TRMT11: variants seen among roughly 807,000 people sequenced by gnomAD.
The protein encoded by TRMT11 is tRNA (guanine(10)-N(2))-methyltransferase TRMT11.
Under a neutral mutation model 62.8 loss-of-function variants are expected in TRMT11, and 53 were observed. The ratio of observed to expected loss-of-function variants is 0.84; its 90% CI spans 0.68 to 1.06. TRMT11 has a LOEUF of 1.06. Ranked by LOEUF, TRMT11 falls within the 50% of genes least tolerant of loss-of-function variation. The probability of loss-of-function intolerance (pLI) is 0.00; values close to 1 mark genes in which losing one functional copy is unlikely to be tolerated. For missense variants in TRMT11, 556 were observed against 553.4 expected (o/e 1.00, Z -0.05); for synonymous variants, 188 against 190.3 (o/e 0.99, Z 0.10).
At chr6:126,225,685 A>ATTTTTTTTTTT in the TRMT11 span, among the ~76,000 whole-genome samples, 7 of 95,302 alleles carry the variant, frequency 7.3e-5, no homozygotes, top group African/African-American at 1.0e-4. Flanking sequence ...TATGTTTACT[A>ATTTTTTTTTTT]TTTTTTTTTT....
At chr6:126,073,474 G>A (rs949377126) in intron 17 of TRMT11, among the ~76,000 whole-genome samples, 10 of 151,978 alleles carry the variant, frequency 6.6e-5, no homozygotes, top group Non-Finnish European at 8.8e-5. Flanking sequence ...TTAACTTAAT[G>A]GAGTCCGTTA....
intron 17 of TRMT11, among the ~76,000 whole-genome samples, chr6:126,058,786 C>T (rs1776443299): frequency 6.6e-6 from 1 of 152,164 alleles, no homozygotes; most frequent in Non-Finnish European, 1.5e-5. Context: ...TCTGAGAATA[C>T]TGTAAGCATC....
At chr6:126,091,456 C>G (rs771416126) in intron 17 of TRMT11, among the ~76,000 whole-genome samples, 1 of 152,156 alleles carries the variant, frequency 6.6e-6, no homozygotes, top group Non-Finnish European at 1.5e-5. Context: ...GTACATCACT[C>G]CTTTTTCGGT....
intron 17 of TRMT11, among the ~76,000 whole-genome samples, chr6:126,055,452 C>A (rs1346036707): frequency 2.6e-5 from 4 of 152,214 alleles, no homozygotes; most frequent in Non-Finnish European, 5.9e-5. Flanking sequence ...ATAAAAGATA[C>A]ATGTCTTATG....
intron 12 of TRMT11, among the ~76,000 whole-genome samples, chr6:126,032,128 C>T (rs12195025): frequency 6.6e-6 from 1 of 152,100 alleles, no homozygotes; most frequent in Non-Finnish European, 1.5e-5. Context: ...CATCCCTACT[C>T]CCAGGACCAT....
chr6:125,998,252 T>C lies in TRMT11; in HGVS notation c.324T>C (p.Tyr108=). ...MVPFLHSDST[Y]KIKIHTFNKT... ...CATTTCTACATTCGGACTCTACATA[T>C]AAAATAAAGATTCACACTTTTAATA... The change falls in exon 5 of 13, where the codon TAT becomes TAC. Residue 108 remains tyrosine (Y), a synonymous_variant. Coordinates refer to ENST00000334379, the MANE Select transcript of TRMT11 (RefSeq NM_001031712.3). 3 of 1,600,520 alleles carry C rather than the reference T, an allele frequency of 1.9e-6. No individual in the cohort carries two copies. The highest frequency in any genetic ancestry group is 2.6e-6 in the Non-Finnish European group (3 of 1,168,458).
At chr6:126,223,783 A>G in the TRMT11 span, among the ~76,000 whole-genome samples, 1 of 152,124 alleles carries the variant, frequency 6.6e-6, no homozygotes, top group Non-Finnish European at 1.5e-5. Flanking sequence ...TCTTTCTATC[A>G]GGGACTCCAA....
chr6:126,096,521 A>C (rs1777341279), intron 17 of TRMT11, among the ~76,000 whole-genome samples: 1 of 151,852 alleles, frequency 6.6e-6, no homozygotes. Context: ...TGCTACCTCT[A>C]ATTTCAAAAG....
chr6:126,038,989 T>TA lies in TRMT11; in HGVS notation c.*154dup. ...GTAAATTGAGCAATGCTTTTAAAGT[T>TA]ATCTTTGTTTTATAGACTTTTTTGT... On this transcript the variant is annotated 3_prime_UTR_variant, in exon 13 of 13. Coordinates refer to ENST00000334379, the MANE Select transcript of TRMT11 (RefSeq NM_001031712.3). The TA allele has an allele frequency of 3.2e-6, 2 of 618,926 alleles. No homozygotes were observed. The highest frequency in any genetic ancestry group is 9.2e-4 in the Middle Eastern group (2 of 2,168). 38.3% of individuals were successfully genotyped at this position (618,926 alleles called of 1,614,324 possible).
At chr6:126,031,385 T>A (rs562543532) in intron 12 of TRMT11, among the ~76,000 whole-genome samples, 2 of 152,304 alleles carry the variant, frequency 1.3e-5, no homozygotes, top group African/African-American at 2.4e-5. Context: ...GTGTTGGGGC[T>A]GAACAGACTA....
intron 17 of TRMT11, among the ~76,000 whole-genome samples, chr6:126,054,105 A>C (rs758765997): frequency 1.4e-4 from 22 of 152,050 alleles, no homozygotes; most frequent in Non-Finnish European, 2.5e-4. Flanking sequence ...GGAGAAGCCC[A>C]CTCCCTGTGA....
chr6:126,021,470 T>G (rs753914677), intron 12 of TRMT11, among the ~76,000 whole-genome samples, 190 bp downstream of exon 12: 31 of 152,210 alleles, frequency 2.0e-4, no homozygotes, highest in Non-Finnish European at 4.0e-4. Flanking sequence ...AGGAGTTGGA[T>G]ATAGACATAG....
chr6:126,271,067 T>C, the TRMT11 span, among the ~76,000 whole-genome samples: 1 of 152,112 alleles, frequency 6.6e-6, no homozygotes, highest in East Asian at 1.9e-4. Flanking sequence ...TCTTGCTTCA[T>C]AGAAAGTGAA....
intron 16 of TRMT11, among the ~76,000 whole-genome samples, chr6:126,047,968 A>T (rs1197096479): frequency 6.6e-6 from 1 of 152,228 alleles, no homozygotes; most frequent in African/African-American, 2.4e-5. Context: ...TAAAATCATT[A>T]TATGTAATAA....
chr6:126,203,919 T>TTGTGTGTGTGTGTG (rs71680476), downstream of TRMT11, among the ~76,000 whole-genome samples: 2 of 144,490 alleles, frequency 1.4e-5, no homozygotes, highest in African/African-American at 5.0e-5. Context: ...GATCATCATT[T>TTGTGTGTGTGTGTG]TGTGTGTGTG....
intron 12 of TRMT11, among the ~76,000 whole-genome samples, chr6:126,038,474 C>G (rs971021232): frequency 1.3e-5 from 2 of 150,570 alleles, no homozygotes; most frequent in Non-Finnish European, 3.0e-5. Context: ...AATTTGTCCT[C>G]TGTACAGAGG....
intron 21 of TRMT11, among the ~76,000 whole-genome samples, chr6:126,133,915 C>G (rs1777819416): frequency 6.6e-6 from 1 of 151,824 alleles, no homozygotes; most frequent in East Asian, 1.9e-4. Flanking sequence ...ATTACTACAA[C>G]ATTTTCCATA....
intron 17 of TRMT11, among the ~76,000 whole-genome samples, chr6:126,088,830 G>A (rs1366390169): frequency 6.6e-6 from 1 of 152,066 alleles, no homozygotes; most frequent in Non-Finnish European, 1.5e-5. Context: ...TATACTTAAA[G>A]GGAAAAAGAG....
intron 3 of TRMT11, among the ~76,000 whole-genome samples, chr6:126,200,100 G>T (rs1778717645): frequency 6.6e-6 from 1 of 152,162 alleles, no homozygotes; most frequent in Non-Finnish European, 1.5e-5. Context: ...AAGGGCAGGG[G>T]TCATGAGAGT....
Sources: allele counts gnomAD v4.1 joint callset (sites outside exome capture counted in the v4.1 genomes callset), GRCh38; gene constraint gnomAD v4.1.1; transcripts MANE v1.5; gene names NCBI Gene and HGNC (gene_info 2026-07-23, HGNC 2026-07-21).